KIF26B: variants seen among roughly 807,000 people sequenced by gnomAD.
KIF26B encodes kinesin family member 26B.
Under a neutral mutation model 151.2 loss-of-function variants are expected in KIF26B, and 63 were observed. The ratio of observed to expected loss-of-function variants is 0.42; its 90% CI spans 0.34 to 0.51. KIF26B has a LOEUF of 0.51. KIF26B is among the 20% of genes least tolerant of loss of function. The pLI, the probability that KIF26B is intolerant of heterozygous loss-of-function variation, is 0.07. For missense variants in KIF26B, 2,813 were observed against 2,913.6 expected, an observed-to-expected ratio of 0.97 and a Z score of 0.79; for synonymous variants, 1,357 against 1,262.1, an observed-to-expected ratio of 1.08 and a Z score of -1.59.
chr1:245,646,221 G>A lies in KIF26B; in HGVS notation c.2199G>A (p.Leu733=). 2 of 1,613,980 alleles carry A rather than the reference G, an allele frequency of 1.2e-6. No homozygotes were observed. Residue 733 remains leucine, a synonymous_variant, in exon 10 of 15, where the codon CTG becomes CTA. Coordinates refer to ENST00000407071, the MANE Select transcript of KIF26B (RefSeq NM_018012.4). ...GAGGCTCAGGGCTGTGTCTCTCGCTGTCTGCTCTGGGCAATGTCATCCTGG... is the reference window on the plus strand; with the variant it reads ...GAGGCTCAGGGCTGTGTCTCTCGCTATCTGCTCTGGGCAATGTCATCCTGG... ...REGGSGLCLS[L]SALGNVILAL...
At chr1:245,421,360 T>C (rs1658483344) in intron 4 of KIF26B, among the ~76,000 whole-genome samples, 1 of 152,114 alleles carries the variant, frequency 6.6e-6, no homozygotes, top group Admixed American at 6.5e-5. Context: ...GGCTATTGTA[T>C]AAATGGAGAC....
chr1:245,190,635 T>TC (rs1669087299), intron 2 of KIF26B, among the ~76,000 whole-genome samples: 1 of 64,214 alleles, frequency 1.6e-5, no homozygotes, highest in Admixed American at 2.1e-4. Context: ...GAATGTTTTG[T>TC]TTTGTTTTTT....
At chr1:245,267,219 A>G (rs1670762963) in intron 2 of KIF26B, among the ~76,000 whole-genome samples, 1 of 152,244 alleles carries the variant, frequency 6.6e-6, no homozygotes, top group African/African-American at 2.4e-5. Context: ...CACTGTGGCC[A>G]TCTTCTCTAC....
At chr1:245,288,316 C>T (rs1438668296) in intron 2 of KIF26B, among the ~76,000 whole-genome samples, 1 of 152,078 alleles carries the variant, frequency 6.6e-6, no homozygotes, top group African/African-American at 2.4e-5. Flanking sequence ...GGACAGGGAC[C>T]CCATTTCACA....
At chr1:245,638,952 A>G (rs1258242292) in intron 9 of KIF26B, among the ~76,000 whole-genome samples, 1 of 151,218 alleles carries the variant, frequency 6.6e-6, no homozygotes, top group Non-Finnish European at 1.5e-5. Context: ...TTCTTTTGTT[A>G]TCTTTGGCTT....
intron 5 of KIF26B, among the ~76,000 whole-genome samples, chr1:245,579,819 G>T (rs2043157237): frequency 6.6e-6 from 1 of 151,036 alleles, no homozygotes; most frequent in African/African-American, 2.4e-5. Flanking sequence ...TTGCACTCCA[G>T]CCTGGGCAAC....
intron 2 of KIF26B, among the ~76,000 whole-genome samples, chr1:245,295,925 G>A (rs1478867656): frequency 6.6e-6 from 1 of 152,178 alleles, no homozygotes; most frequent in Admixed American, 6.5e-5. Context: ...TAGAACTTGA[G>A]TTGGCCTGAC....
At chr1:245,355,730 G>A (rs1292018379) in intron 2 of KIF26B, among the ~76,000 whole-genome samples, 2 of 149,486 alleles carry the variant, frequency 1.3e-5, no homozygotes, top group South Asian at 2.1e-4. Flanking sequence ...CTATGTCTCC[G>A]GGGCTATTTA....
chr1:245,406,194 T>C (rs573787387), intron 3 of KIF26B, among the ~76,000 whole-genome samples: 12 of 152,252 alleles, frequency 7.9e-5, no homozygotes, highest in South Asian at 6.2e-4. Flanking sequence ...TCTGGGGAAA[T>C]TGAGGCAAAG....
chr1:245,637,843 G>C (rs144666375), intron 9 of KIF26B, among the ~76,000 whole-genome samples: 1 of 151,738 alleles, frequency 6.6e-6, no homozygotes, highest in African/African-American at 2.4e-5. Context: ...GTTTTCTATT[G>C]TATTCCATTG....
chr1:245,224,259 T>A (rs996619478), intron 2 of KIF26B, among the ~76,000 whole-genome samples: 4 of 146,458 alleles, frequency 2.7e-5, no homozygotes, highest in African/African-American at 1.0e-4. Flanking sequence ...CACTCCAGCC[T>A]GGGCAACAAG....
chr1:245,583,832 G>T (rs2043200379), intron 5 of KIF26B, among the ~76,000 whole-genome samples: 1 of 152,144 alleles, frequency 6.6e-6, no homozygotes, highest in Admixed American at 6.5e-5. Flanking sequence ...GCCCAGTGAG[G>T]GCTCCCTGTT....
At position 245,367,214 on chromosome 1, in the gene KIF26B, G is replaced by A. The variant is rs1186349891; in HGVS notation, c.846G>A (p.Gly282=). 1 of 1,610,114 alleles carries A rather than the reference G, an allele frequency of 6.2e-7. No individual in the cohort carries two copies. The highest frequency in any genetic ancestry group is 8.5e-7 in the Non-Finnish European group (1 of 1,178,278). The change falls in exon 3 of 15, where the codon GGG becomes GGA. Residue 282 remains glycine (G), a synonymous_variant. Coordinates refer to ENST00000407071, the MANE Select transcript of KIF26B (RefSeq NM_018012.4). This position sits in a 1 kb window ranked among gnomAD's most constrained non-coding sequence, Gnocchi z 4.2. ...GCAATGGGGCGGAAAAGAAGAGCGG[G>A]TCCCCAACCCACCAGGCCAAGGTCA... ...GVSNGAEKKS[G]SPTHQAKVSL... is the part of the protein sequence containing the mutation.
intron 2 of KIF26B, among the ~76,000 whole-genome samples, chr1:245,350,000 C>A (rs1672531735): frequency 6.6e-6 from 1 of 152,174 alleles, no homozygotes; most frequent in Admixed American, 6.5e-5. Flanking sequence ...TGGTAACCTC[C>A]TGACCACATC....
chr1:245,299,889 G>A (rs576808937), intron 2 of KIF26B, among the ~76,000 whole-genome samples: 72 of 152,292 alleles, frequency 4.7e-4, no homozygotes, highest in Non-Finnish European at 8.8e-4. Context: ...GTCTGCAGAC[G>A]ACCCATTTAA....
chr1:245,565,030 C>T (rs1406365165), intron 5 of KIF26B, among the ~76,000 whole-genome samples: 1 of 152,110 alleles, frequency 6.6e-6, no homozygotes, highest in Non-Finnish European at 1.5e-5. Flanking sequence ...TTACAGAGAA[C>T]AAAATTTGTT....
In KIF26B at chr1:245,370,648, G is replaced by A. The variant is rs992904123; in HGVS notation, c.999+3281G>A. ...GGCGGCTGCGCCAGCGCTGATGAGC[G>A]AGGACAGAGGAGCATGAAACTGGTG... On this transcript the variant is annotated intron_variant, in intron 3 of 14. Transcript: ENST00000407071. The A allele has an allele frequency of 1.8e-5, 8 of 456,372 alleles. No homozygotes were observed. The East Asian group carries it at 3.5e-4, about 20-fold the overall frequency. The allele number at this position is 456,372 out of a possible 1,614,324, so 28.3% of individuals were successfully genotyped here. A position where few individuals can be genotyped will look rare whatever the true frequency, so the allele number is the denominator to read the frequency against.
chr1:245,356,417 G>A (rs1027518995), intron 2 of KIF26B, among the ~76,000 whole-genome samples: 1 of 152,186 alleles, frequency 6.6e-6, no homozygotes. Context: ...TTAGCTGGGC[G>A]TGGTGGCGGG....
intron 5 of KIF26B, among the ~76,000 whole-genome samples, chr1:245,600,546 C>T (rs1033485455): frequency 2.0e-5 from 3 of 151,854 alleles, no homozygotes; most frequent in Non-Finnish European, 4.4e-5. Flanking sequence ...CACCATGTTG[C>T]CCAGGCTTGT....
Sources: gnomAD v4.1 joint callset for allele counts (sites outside exome capture counted in the v4.1 genomes callset) on GRCh38, gnomAD v4.1.1 for gene constraint, Gnocchi (gnomAD v3.1) non-coding constraint, MANE v1.5 for transcripts, NCBI Gene and HGNC (gene_info 2026-07-23, HGNC 2026-07-21) for gene names.